ARHGAP8: variants seen among roughly 807,000 people sequenced by gnomAD.
ARHGAP8 encodes rho GTPase-activating protein 8.
In ARHGAP8, 62 loss-of-function variants were observed where a neutral mutation model predicts 46.1. The ratio of observed to expected loss-of-function variants is 1.34; its 90% CI spans 1.10 to 1.66. The LOEUF (loss-of-function observed/expected upper bound fraction) is 1.66, where lower values mean the gene tolerates loss of function less well. Ranked by LOEUF, ARHGAP8 falls within the 40% of genes most tolerant of loss-of-function variation. ARHGAP8 has a pLI of 0.00. For synonymous variants in ARHGAP8, 375 were observed against 243.1 expected (o/e 1.54, Z -5.05); for missense variants, 923 against 568.4 (o/e 1.62, Z -6.34).
At chr22:44,807,679 T>C (rs758057363) in intron 3 of ARHGAP8, among the ~76,000 whole-genome samples, 29 of 152,152 alleles carry the variant, frequency 1.9e-4, no homozygotes, top group Admixed American at 2.0e-4. Context: ...AAACCAGAAA[T>C]GTATTCTCTC....
intron 1 of ARHGAP8, among the ~76,000 whole-genome samples, chr22:44,764,599 C>T (rs931686507): frequency 6.6e-6 from 1 of 152,216 alleles, no homozygotes; most frequent in Non-Finnish European, 1.5e-5. Flanking sequence ...TGCCAACTTG[C>T]TGTGTGCCTT....
chr22:44,814,414 G>A (rs1045172573), intron 4 of ARHGAP8, among the ~76,000 whole-genome samples: 2 of 152,198 alleles, frequency 1.3e-5, no homozygotes, highest in Non-Finnish European at 1.5e-5. Flanking sequence ...GTGAGTGAGC[G>A]CCTATAAACA....
intron 7 of ARHGAP8, among the ~76,000 whole-genome samples, chr22:44,830,405 C>T (rs1349222953): frequency 6.6e-6 from 1 of 152,114 alleles, no homozygotes; most frequent in Non-Finnish European, 1.5e-5. Context: ...AATCTTGGCT[C>T]ACTGCAACCT....
intron 1 of ARHGAP8, 143 bp from the exon 2 acceptor site, chr22:44,786,314 G>A (rs55667614): frequency 0.059 from 58,445 of 985,786 alleles, 3,371 homozygotes; most frequent in African/African-American, 0.27. Flanking sequence ...GGCAGGGCGC[G>A]TAGTGGGTGC....
chr22:44,799,412 G>T (rs1451158815), intron 2 of ARHGAP8, among the ~76,000 whole-genome samples: 1 of 152,206 alleles, frequency 6.6e-6, no homozygotes, highest in Non-Finnish European at 1.5e-5. Context: ...CAGCTTTTCT[G>T]CAGAGGTGGG....
chr22:44,862,642 G>C lies in ARHGAP8; in HGVS notation c.*47G>C, dbSNP rs548432943. The C allele has an allele frequency of 6.6e-6, 10 of 1,510,362 alleles. No individual in the cohort carries two copies. Among genetic ancestry groups the C allele is most frequent in the Non-Finnish European group, 8.0e-6 (9 of 1,127,366 alleles). 93.6% of individuals were successfully genotyped at this position (1,510,362 alleles called of 1,614,324 possible). A position where few individuals can be genotyped will look rare whatever the true frequency, so the allele number is the denominator to read the frequency against. On this transcript the variant is annotated 3_prime_UTR_variant, in exon 12 of 12. Coordinates refer to ENST00000356099, the MANE Select transcript of ARHGAP8 (RefSeq NM_181335.3). ...TTCGAGCTACCTCCCACACCTGTCTGTGCACTTGTATGTTTTGTAAACTTG... is the reference window on the plus strand; with the variant it reads ...TTCGAGCTACCTCCCACACCTGTCTCTGCACTTGTATGTTTTGTAAACTTG...
At chr22:44,859,426 G>C (rs1475563367) in intron 10 of ARHGAP8, among the ~76,000 whole-genome samples, 1 of 152,112 alleles carries the variant, frequency 6.6e-6, no homozygotes, top group African/African-American at 2.4e-5. Context: ...GCCATAATTG[G>C]AAGCCTCCTG....
chr22:44,809,383 C>T, intron 4 of ARHGAP8: 1 of 359,368 alleles, frequency 2.8e-6, no homozygotes, highest in Non-Finnish European at 5.5e-6. Context: ...CATTCTCCCA[C>T]CCCTGGTCCA....
intron 7 of ARHGAP8, 114 bp from the exon 8 acceptor site, chr22:44,845,155 C>A: frequency 7.7e-7 from 1 of 1,292,606 alleles, no homozygotes; most frequent in Non-Finnish European, 1.1e-6. Context: ...TCTTCCTGGA[C>A]AGTGCCTGGG....
At chr22:44,754,981 CCTT>C (rs60609354) in intron 1 of ARHGAP8, among the ~76,000 whole-genome samples, 2,343 of 152,260 alleles carry the variant, frequency 0.015, 47 homozygotes, top group East Asian at 0.082. Flanking sequence ...AGGTCACTCT[CCTT>C]CTGGGGCACT....
chr22:44,782,373 A>G (rs965832589), intron 1 of ARHGAP8, among the ~76,000 whole-genome samples: 8 of 152,148 alleles, frequency 5.3e-5, no homozygotes, highest in Non-Finnish European at 8.8e-5. Flanking sequence ...TAAATTAATC[A>G]CTTTAAAGCA....
intron 7 of ARHGAP8, among the ~76,000 whole-genome samples, chr22:44,830,952 G>A (rs1293465578): frequency 6.6e-6 from 1 of 151,962 alleles, no homozygotes; most frequent in African/African-American, 2.4e-5. Context: ...ATGTATTATC[G>A]GCCATTTGTT....
intron 10 of ARHGAP8, among the ~76,000 whole-genome samples, chr22:44,858,989 ATGTCCGTGGCTG>A (rs2070333073): frequency 6.6e-6 from 1 of 151,862 alleles, no homozygotes; most frequent in Non-Finnish European, 1.5e-5. Context: ...AATGTACAAA[ATGTCCGTGGCTG>A]TGTTCCAAGA....
At chr22:44,787,504 T>G (rs1037112042) in intron 2 of ARHGAP8, among the ~76,000 whole-genome samples, 1 of 151,872 alleles carries the variant, frequency 6.6e-6, no homozygotes, top group Non-Finnish European at 1.5e-5. Flanking sequence ...ACCCCCACAC[T>G]CAGCTAATTT....
At chr22:44,802,517 T>G (rs1194700234) in intron 3 of ARHGAP8, among the ~76,000 whole-genome samples, 1 of 152,218 alleles carries the variant, frequency 6.6e-6, no homozygotes, top group African/African-American at 2.4e-5. Context: ...CCCCACGCAC[T>G]GTCCCTTTGA....
At chr22:44,829,118 C>CAAAAAAAAAA (rs57906111) in intron 7 of ARHGAP8, among the ~76,000 whole-genome samples, 8 of 49,362 alleles carry the variant, frequency 1.6e-4, no homozygotes, top group African/African-American at 4.6e-4. Flanking sequence ...ACTAAAAATA[C>CAAAAAAAAAA]AAAAAAAAAA....
At chr22:44,819,840 C>T (rs1298071293) in intron 5 of ARHGAP8, among the ~76,000 whole-genome samples, 3 of 152,172 alleles carry the variant, frequency 2.0e-5, no homozygotes, top group African/African-American at 2.4e-5. Flanking sequence ...ACGCCCAAGT[C>T]GCACCATGAG....
At chr22:44,861,990 C>T (rs8138834) in intron 11 of ARHGAP8, among the ~76,000 whole-genome samples, 2 of 152,102 alleles carry the variant, frequency 1.3e-5, no homozygotes, top group Non-Finnish European at 2.9e-5. Context: ...TGCATCTCCC[C>T]AGAAGGTGCA....
intron 1 of ARHGAP8, among the ~76,000 whole-genome samples, chr22:44,754,229 AC>A (rs1274690080): frequency 6.6e-6 from 1 of 152,040 alleles, no homozygotes; most frequent in African/African-American, 2.4e-5. Flanking sequence ...AGAGAATGGC[AC>A]CTACTGGCTA....
Sources: gnomAD v4.1 joint callset for allele counts (sites outside exome capture counted in the v4.1 genomes callset) on GRCh38, gnomAD v4.1.1 for gene constraint, MANE v1.5 for transcripts, NCBI Gene and HGNC (gene_info 2026-07-23, HGNC 2026-07-21) for gene names.